SBF2: variants seen among roughly 807,000 people sequenced by gnomAD.
SBF2 encodes the protein myotubularin-related protein 13.
SBF2 carries 112 observed loss-of-function variants against 225.2 expected under a neutral mutation model. The observed-to-expected ratio is 0.50, with a 90% CI of 0.43 to 0.58. The LOEUF (loss-of-function observed/expected upper bound fraction) is 0.58, where lower values mean the gene tolerates loss of function less well. Among genes scored for constraint, SBF2 ranks in the 20% least tolerant of loss-of-function variants. SBF2 has a pLI of 0.00. For synonymous variants in SBF2, 763 were observed against 773.3 expected, an observed-to-expected ratio of 0.99 and a Z score of 0.22; for missense variants, 1,996 against 2,206.2, an observed-to-expected ratio of 0.90 and a Z score of 1.91.
intron 28 of SBF2, among the ~76,000 whole-genome samples, chr11:9,826,743 G>A (rs1855090426): frequency 6.6e-6 from 1 of 151,152 alleles, no homozygotes; most frequent in South Asian, 2.1e-4. Flanking sequence ...GTGTGTGTGT[G>A]TGTGTGTATG....
chr11:10,117,233 G>A (rs942154969), intron 2 of SBF2, among the ~76,000 whole-genome samples: 1 of 152,046 alleles, frequency 6.6e-6, no homozygotes, highest in Non-Finnish European at 1.5e-5. Flanking sequence ...TTGAGGTTAG[G>A]AGTTCGAGAC....
chr11:9,894,758 A>G (rs1861106149), intron 17 of SBF2, among the ~76,000 whole-genome samples: 2 of 152,130 alleles, frequency 1.3e-5, no homozygotes, highest in South Asian at 2.1e-4. Flanking sequence ...AGGCAGGTGG[A>G]TCACCTGAGG....
intron 16 of SBF2, among the ~76,000 whole-genome samples, chr11:9,919,640 T>C (rs1396740341): frequency 1.3e-5 from 2 of 152,152 alleles, no homozygotes; most frequent in African/African-American, 2.4e-5. Context: ...ATAGATAACA[T>C]AACCAATTAG....
At chr11:9,833,616 T>G (rs1403350486) in intron 26 of SBF2, among the ~76,000 whole-genome samples, 1 of 151,962 alleles carries the variant, frequency 6.6e-6, no homozygotes, top group Non-Finnish European at 1.5e-5. Context: ...GAGACGGGGT[T>G]TCACCGTGTT....
chr11:9,794,005 G>C (rs1455644129), intron 33 of SBF2, among the ~76,000 whole-genome samples: 1 of 152,120 alleles, frequency 6.6e-6, no homozygotes, highest in Non-Finnish European at 1.5e-5. Context: ...CAAGATGGCA[G>C]AACCCTATGT....
At chr11:10,031,237 G>A (rs1032934805) in intron 3 of SBF2, 67 bp from the exon 4 acceptor site, 2 of 1,440,482 alleles carry the variant, frequency 1.4e-6, no homozygotes, top group African/African-American at 2.8e-5. Flanking sequence ...CACAAAAGAT[G>A]AATATCACCT....
chr11:10,170,257 T>C (rs73415044), intron 2 of SBF2, among the ~76,000 whole-genome samples: 2 of 152,350 alleles, frequency 1.3e-5, no homozygotes, highest in African/African-American at 4.8e-5. Context: ...ATGTCATAGC[T>C]TGAAGTCTTA....
chr11:10,031,363 C>T lies in SBF2; in HGVS notation c.280-193G>A, dbSNP rs141773803. Among the ~76,000 whole-genome samples, 1,843 of 152,092 alleles carry T rather than the reference C, an allele frequency of 0.012. 43 individuals carry two copies. The highest frequency in any genetic ancestry group is 0.043 in the African/African-American group (1,765 of 41,478). On this transcript the variant is annotated intron_variant, in intron 3 of 39. Coordinates refer to ENST00000256190, the MANE Select transcript of SBF2 (RefSeq NM_030962.4). ...AAGTAAAGTAGACAAATTATGAAGC[C>T]GGGAATACTTATTTCATTTTTGAAA...
At chr11:9,887,122 T>C (rs1860392686) in intron 17 of SBF2, among the ~76,000 whole-genome samples, 1 of 151,962 alleles carries the variant, frequency 6.6e-6, no homozygotes, top group Admixed American at 6.6e-5. Context: ...AAACCTTTTT[T>C]TCATCATATA....
In SBF2 at chr11:10,272,649, G is replaced by A. The variant is rs559177494; in HGVS notation, c.55+21366C>T. ...TAGCCAGGCATGGTGGCATGTGCCT[G>A]TAGTCCCAGCTACTTGGAAGGCTGA... On this transcript the variant is annotated intron_variant, in intron 1 of 39. Transcript: ENST00000256190. Among the ~76,000 whole-genome samples the A allele has an allele frequency of 7.9e-5, 12 of 152,212 alleles. No homozygotes were observed. In the East Asian group the frequency reaches 2.3e-3, roughly 29 times the overall value.
At chr11:9,842,887 G>T in intron 24 of SBF2, 117 bp from the exon 25 acceptor site, 1 of 974,660 alleles carries the variant, frequency 1.0e-6, no homozygotes, top group Non-Finnish European at 1.6e-6. Context: ...TACTGGTCCA[G>T]ACTCTTGTTA....
chr11:9,846,775 A>G (rs1458489316), intron 23 of SBF2, among the ~76,000 whole-genome samples, 181 bp downstream of exon 23: 1 of 152,218 alleles, frequency 6.6e-6, no homozygotes, highest in Non-Finnish European at 1.5e-5. Flanking sequence ...AAGGGGCTCC[A>G]GGGATTAAAT....
At chr11:9,787,886 C>A in intron 35 of SBF2, 148 bp from the exon 36 acceptor site, 1 of 698,224 alleles carries the variant, frequency 1.4e-6, no homozygotes, top group Non-Finnish European at 2.6e-6. Flanking sequence ...GTGAGGTCTC[C>A]CAGCCAGGAA....
intron 16 of SBF2, among the ~76,000 whole-genome samples, chr11:9,946,682 T>G (rs1865582180): frequency 6.6e-6 from 1 of 152,182 alleles, no homozygotes; most frequent in South Asian, 2.1e-4. Flanking sequence ...ACTCCGGACC[T>G]CAGGTAATCC....
chr11:9,822,528 G>A (rs1293064066), intron 28 of SBF2, among the ~76,000 whole-genome samples: 1 of 152,134 alleles, frequency 6.6e-6, no homozygotes, highest in Non-Finnish European at 1.5e-5. Flanking sequence ...CCAAAGTGCT[G>A]GGATTACAGG....
chr11:10,141,767 G>C (rs930773580), intron 2 of SBF2, among the ~76,000 whole-genome samples: 3 of 152,082 alleles, frequency 2.0e-5, no homozygotes, highest in Non-Finnish European at 4.4e-5. Flanking sequence ...TCTCCAACAA[G>C]ACTCCCCAAC....
At chr11:10,275,951 T>C (rs1485098139) in intron 1 of SBF2, among the ~76,000 whole-genome samples, 4 of 152,110 alleles carry the variant, frequency 2.6e-5, no homozygotes, top group African/African-American at 7.2e-5. Context: ...GTTTCAACAT[T>C]TGAAAATTCT....
intron 2 of SBF2, among the ~76,000 whole-genome samples, chr11:10,108,719 T>G (rs989030138): frequency 5.5e-4 from 83 of 150,852 alleles, no homozygotes; most frequent in Non-Finnish European, 1.1e-3. Context: ...AGAGGCGGGG[T>G]TTCACTGTGT....
intron 2 of SBF2, among the ~76,000 whole-genome samples, chr11:10,111,464 T>C (rs1331372514): frequency 6.6e-6 from 1 of 152,244 alleles, no homozygotes; most frequent in African/African-American, 2.4e-5. Context: ...AAGTAGATCA[T>C]TTTCATAAAC....
Sources: gnomAD v4.1 joint callset for allele counts (sites outside exome capture counted in the v4.1 genomes callset) on GRCh38, gnomAD v4.1.1 for gene constraint, MANE v1.5 for transcripts, NCBI Gene and HGNC (gene_info 2026-07-23, HGNC 2026-07-21) for gene names.